The following RAB27B variants were observed in gnomAD, a reference collection of about 807,000 sequenced individuals.
RAB27B encodes the protein ras-related protein Rab-27B.
In RAB27B, 15 loss-of-function variants were observed where a neutral mutation model predicts 24.6. The observed-to-expected ratio is 0.61, with a 90% confidence interval of 0.41 to 0.94. RAB27B has a LOEUF of 0.94. RAB27B is among the 40% of genes least tolerant of loss of function. RAB27B has a pLI of 0.00. For synonymous variants in RAB27B, 105 were observed against 92.5 expected (o/e 1.14, Z -0.78); for missense variants, 261 against 266.8 (o/e 0.98, Z 0.15).
chr18:54,757,862 A>G (rs1436586754), intron 2 of RAB27B, among the ~76,000 whole-genome samples: 1 of 152,108 alleles, frequency 6.6e-6, no homozygotes, highest in Non-Finnish European at 1.5e-5. Flanking sequence ...AATCTTTCCA[A>G]ATGACAAAAA....
intron 2 of RAB27B, among the ~76,000 whole-genome samples, chr18:54,775,614 A>G (rs994394516): frequency 6.6e-5 from 10 of 152,220 alleles, no homozygotes; most frequent in Non-Finnish European, 1.2e-4. Flanking sequence ...TGAATCTGAC[A>G]TATGATGTTT....
At chr18:54,867,738 C>T (rs975994321) in intron 1 of RAB27B, among the ~76,000 whole-genome samples, 1 of 152,124 alleles carries the variant, frequency 6.6e-6, no homozygotes, top group African/African-American at 2.4e-5. Flanking sequence ...AGCCACCATG[C>T]CCGGCCACCT....
At chr18:54,777,431 A>C (rs1244491349) in intron 2 of RAB27B, among the ~76,000 whole-genome samples, 1 of 152,240 alleles carries the variant, frequency 6.6e-6, no homozygotes, top group Non-Finnish European at 1.5e-5. Flanking sequence ...AAATGGGTGC[A>C]GTATTTCTGC....
chr18:54,862,076 G>A lies in RAB27B; in HGVS notation c.-19-15491G>A, dbSNP rs1315966182. On this transcript the variant is annotated intron_variant, in intron 1 of 5. Coordinates refer to ENST00000262094, the MANE Select transcript of RAB27B (RefSeq NM_004163.4). ...CATTTAAAGAAAAAAAAAAAAGCAT[G>A]ACTGCCTTAGAAAAATTGAGTCATG... 4.0e-5 allele frequency among the ~76,000 whole-genome samples: 6 copies of A among 150,774 alleles called. No individual in the cohort carries two copies. In the East Asian group the frequency reaches 7.8e-4, roughly 19 times the overall value.
At chr18:54,858,205 A>G (rs957193337) in intron 1 of RAB27B, among the ~76,000 whole-genome samples, 1 of 152,220 alleles carries the variant, frequency 6.6e-6, no homozygotes, top group South Asian at 2.1e-4. Flanking sequence ...ACAATGATAT[A>G]TTCAATTTAA....
At chr18:54,737,313 C>T (rs1029041087) in intron 2 of RAB27B, among the ~76,000 whole-genome samples, 1 of 152,164 alleles carries the variant, frequency 6.6e-6, no homozygotes. Context: ...AGGCTACTCC[C>T]TTTGTCTAGA....
intron 2 of RAB27B, among the ~76,000 whole-genome samples, chr18:54,768,874 A>G (rs1037707521): frequency 5.3e-5 from 8 of 152,116 alleles, no homozygotes; most frequent in African/African-American, 1.9e-4. Flanking sequence ...CCATGATCCA[A>G]TTAACTCCAC....
chr18:54,735,826 C>G (rs1018482291), intron 2 of RAB27B, among the ~76,000 whole-genome samples: 1 of 152,066 alleles, frequency 6.6e-6, no homozygotes, highest in Non-Finnish European at 1.5e-5. Context: ...CCAGCTGACA[C>G]TTTTGTGATA....
intron 2 of RAB27B, among the ~76,000 whole-genome samples, chr18:54,732,178 C>T (rs924837145): frequency 2.6e-5 from 4 of 152,110 alleles, no homozygotes; most frequent in African/African-American, 9.7e-5. Context: ...ACAAATGGCT[C>T]AATAAAAGAG....
chr18:54,894,302 A>G lies in RAB27B; in HGVS notation c.*4889A>G, dbSNP rs1157930235. ...AAGAAGTCATCTTTTCATTAAGTGGATTCCCTGGTTCCTTTCCAGCTGGTT... is the reference window on the plus strand; with the variant it reads ...AAGAAGTCATCTTTTCATTAAGTGGGTTCCCTGGTTCCTTTCCAGCTGGTT... On this transcript the variant is annotated 3_prime_UTR_variant, in exon 6 of 6. Coordinates refer to ENST00000262094, the MANE Select transcript of RAB27B (RefSeq NM_004163.4). The G allele has an allele frequency of 6.6e-6, 1 of 151,986 alleles. No homozygotes were observed. Among genetic ancestry groups the G allele is most frequent in the Non-Finnish European group, 1.5e-5 (1 of 67,902 alleles). The allele number at this position is 151,986 out of a possible 1,614,324, so 9.4% of individuals were successfully genotyped here.
chr18:54,731,719 T>C (rs1037414216), intron 2 of RAB27B, among the ~76,000 whole-genome samples: 4 of 152,202 alleles, frequency 2.6e-5, no homozygotes, highest in Non-Finnish European at 5.9e-5. Flanking sequence ...TTTTTAAGTA[T>C]ACATACACAT....
chr18:54,879,451 A>T lies in RAB27B; in HGVS notation c.236A>T (p.Glu79Val). The change falls in exon 3 of 6, where the codon GAG becomes GTG. Residue 79 changes from glutamate (E) to valine (V), a missense_variant. Glu to Val is a moderately radical substitution (Grantham distance 121). Transcript: ENST00000262094. ...CAGCTTTGGGACACTGCGGGACAAG[A>T]GCGGTAATAGTAAATTGCTTTATTT... The part of the protein sequence containing the change: ...HLQLWDTAGQ[E>V]RFRSLTTAFF... The T allele has an allele frequency of 6.2e-7, 1 of 1,609,142 alleles. No homozygotes were observed. The highest frequency in any genetic ancestry group is 8.5e-7 in the Non-Finnish European group (1 of 1,175,554).
rs1241202357 is a variant in RAB27B at position 54,893,547 on chromosome 18, A to G, written c.*4134A>G. The G allele has an allele frequency of 6.6e-6, 1 of 152,004 alleles. No homozygotes were observed. Among genetic ancestry groups the G allele is most frequent in the African/African-American group, 2.4e-5 (1 of 41,422 alleles). The allele number at this position is 152,004 out of a possible 1,614,324, so 9.4% of individuals were successfully genotyped here. ...AGCTATATTTTCTTCTGGATCTTTG[A>G]CCAAGGTGATGTCAGCTTATTTCTG... On this transcript the variant is annotated 3_prime_UTR_variant, in exon 6 of 6. Coordinates refer to ENST00000262094, the MANE Select transcript of RAB27B (RefSeq NM_004163.4).
chr18:54,884,864 A>G (rs917786147), intron 4 of RAB27B, among the ~76,000 whole-genome samples: 3 of 152,138 alleles, frequency 2.0e-5, no homozygotes, highest in African/African-American at 7.2e-5. Context: ...TGTGTTAAAC[A>G]CTAGTGGGTT....
intron 1 of RAB27B, among the ~76,000 whole-genome samples, chr18:54,872,774 G>A (rs1274925073): frequency 6.6e-6 from 1 of 152,080 alleles, no homozygotes; most frequent in Non-Finnish European, 1.5e-5. Context: ...TTCCACAAAT[G>A]GCTCATGAGA....
chr18:54,895,481 AC>A lies in RAB27B; in HGVS notation c.*6069del, dbSNP rs1913531940. 1 of 152,106 alleles carries A rather than the reference AC, an allele frequency of 6.6e-6. No individual in the cohort carries two copies. The highest frequency in any genetic ancestry group is 2.4e-5 in the African/African-American group (1 of 41,444). The allele number at this position is 152,106 out of a possible 1,614,324, so 9.4% of individuals were successfully genotyped here. A position where few individuals can be genotyped will look rare whatever the true frequency, so the allele number is the denominator to read the frequency against. ...AATTGTATTCAGTGATTGTTTCTGC[AC>A]ACTTTTCAAATAAAAAATGAATTTT... On this transcript the variant is annotated 3_prime_UTR_variant, in exon 6 of 6. Coordinates refer to ENST00000262094, the MANE Select transcript of RAB27B (RefSeq NM_004163.4).
intron 1 of RAB27B, among the ~76,000 whole-genome samples, chr18:54,845,853 CT>C (rs1911316417): frequency 6.6e-6 from 1 of 152,124 alleles, no homozygotes. Context: ...AATCTGCCTG[CT>C]TAATAACATT....
intron 2 of RAB27B, among the ~76,000 whole-genome samples, chr18:54,727,875 T>C (rs1459693273): frequency 7.2e-5 from 11 of 152,182 alleles, no homozygotes; most frequent in Non-Finnish European, 1.6e-4. Context: ...TATAGTGTTT[T>C]ATTGCTTCAT....
chr18:54,734,717 T>G (rs919030484), intron 2 of RAB27B, among the ~76,000 whole-genome samples: 1 of 152,326 alleles, frequency 6.6e-6, no homozygotes, highest in African/African-American at 2.4e-5. Context: ...TTTATTATTC[T>G]TTCCACAAAT....
Sources: gnomAD v4.1 joint callset for allele counts (sites outside exome capture counted in the v4.1 genomes callset) on GRCh38, gnomAD v4.1.1 for gene constraint, MANE v1.5 for transcripts, NCBI Gene and HGNC (gene_info 2026-07-23, HGNC 2026-07-21) for gene names.